The following C1orf141 variants were observed in gnomAD, a reference collection of about 807,000 sequenced individuals.
C1orf141 encodes the protein uncharacterized protein C1orf141.
A neutral mutation model predicts 23.2 loss-of-function variants in C1orf141; 19 were observed. The observed-to-expected ratio is 0.82, with a 90% CI of 0.57 to 1.20. C1orf141 has a LOEUF of 1.20. Among genes scored for constraint, C1orf141 ranks in the 50% most tolerant of loss-of-function variants. The pLI is 0.00. For synonymous variants in C1orf141, 153 were observed against 154.6 expected, an observed-to-expected ratio of 0.99 and a Z score of 0.08; for missense variants, 469 against 455.1, an observed-to-expected ratio of 1.03 and a Z score of -0.28.
intron 5 of C1orf141, among the ~76,000 whole-genome samples, chr1:67,096,610 T>A (rs1313129877): frequency 2.6e-5 from 4 of 152,208 alleles, no homozygotes. Flanking sequence ...TTCTGATATG[T>A]GGAGCCATTA....
intron 5 of C1orf141, among the ~76,000 whole-genome samples, chr1:67,107,887 G>A (rs116760029): frequency 0.028 from 4,260 of 152,236 alleles, 70 homozygotes; most frequent in Non-Finnish European, 0.044. Flanking sequence ...CTTCCTGCTA[G>A]TGTGGGTTTT....
chr1:67,137,123 TC>T (rs1646592592), upstream of C1orf141, among the ~76,000 whole-genome samples: 2 of 152,146 alleles, frequency 1.3e-5, no homozygotes, highest in South Asian at 4.1e-4. Context: ...GAAAGCACAT[TC>T]CCCAAAACTG....
At chr1:67,094,205 A>G (rs1645619237) in intron 7 of C1orf141, 1 of 152,358 alleles carries the variant, frequency 6.6e-6, no homozygotes, top group Non-Finnish European at 1.5e-5. Context: ...AGACATTTTT[A>G]TCGCAGTAAT....
Position 67,093,393 on chromosome 1 carries a change from A to G in C1orf141, c.815T>C (p.Met272Thr), listed in dbSNP as rs1290926458. Residue 272 changes from methionine to threonine, a missense_variant, in exon 8 of 8, where the codon ATG becomes ACG. Met to Thr is a moderately conservative substitution (Grantham distance 81). This residue lies in a region of C1orf141 where 370 missense variants were observed against 348.1 expected (regional missense o/e 1.06). Coordinates refer to ENST00000684719, the MANE Select transcript of C1orf141 (RefSeq NM_001276351.2). ...TATATCTTTTCTCTGTACTGTAGGCATAGTTTTTTGGGGTTTGAAAAGAGA... is the reference window on the plus strand; with the variant it reads ...TATATCTTTTCTCTGTACTGTAGGCGTAGTTTTTTGGGGTTTGAAAAGAGA... Reference protein sequence around the residue: ...SISLFKPQKTMPTVQRKDIQI... With the variant: ...SISLFKPQKTTPTVQRKDIQI... The G allele has an allele frequency of 5.6e-6, 9 of 1,613,090 alleles. No homozygotes were observed. Among genetic ancestry groups the G allele is most frequent in the Admixed American group, 3.3e-5 (2 of 59,876 alleles).
chr1:67,104,923 A>G (rs1342330725), intron 5 of C1orf141, among the ~76,000 whole-genome samples: 4 of 152,356 alleles, frequency 2.6e-5, no homozygotes, highest in African/African-American at 9.6e-5. Context: ...AAGGATTAAA[A>G]TGTTGTAATT....
intron 5 of C1orf141, among the ~76,000 whole-genome samples, chr1:67,108,465 G>T (rs1645985487): frequency 6.6e-6 from 1 of 152,120 alleles, no homozygotes; most frequent in South Asian, 2.1e-4. Flanking sequence ...AATTTTGAGG[G>T]TACACATTCA....
At chr1:67,130,768 G>A (rs1435707004) in intron 2 of C1orf141, among the ~76,000 whole-genome samples, 3 of 152,118 alleles carry the variant, frequency 2.0e-5, no homozygotes, top group Admixed American at 6.6e-5. Context: ...AAATTTGCCG[G>A]TTAATGAAAT....
rs746403578 is a variant in C1orf141 at position 67,093,134 on chromosome 1, G to T, written c.1074C>A (p.Ser358Arg). 1 of 1,613,954 alleles carries T rather than the reference G, an allele frequency of 6.2e-7. No homozygotes were observed. Among genetic ancestry groups the T allele is most frequent in the South Asian group, 1.1e-5 (1 of 91,066 alleles). Residue 358 changes from serine to arginine, a missense_variant, in exon 8 of 8, where the codon AGC (serine) becomes AGA (arginine). Around this residue, in one of 3 missense-constraint regions of C1orf141, gnomAD observed 370 missense variants for 348.1 expected, o/e 1.06. Coordinates refer to ENST00000684719, the MANE Select transcript of C1orf141 (RefSeq NM_001276351.2). ...ERMFSAGKPT[S>R]IPTSSALPVK... The stretch of plus-strand genomic sequence containing the variant: ...CAGGTAAGGCACTGGATGTGGGTAT[G>T]CTCGTTGGTTTTCCTGCAGAAAACA...
At chr1:67,138,600 A>G (rs143478220), upstream of C1orf141, among the ~76,000 whole-genome samples, 496 of 152,222 alleles carry the variant, frequency 3.3e-3, 4 homozygotes, top group African/African-American at 0.012. Flanking sequence ...AGTCAAAACC[A>G]TGCAGCATAG....
At chr1:67,128,542 A>G (rs1646461278) in intron 2 of C1orf141, among the ~76,000 whole-genome samples, 1 of 152,048 alleles carries the variant, frequency 6.6e-6, no homozygotes, top group South Asian at 2.1e-4. Flanking sequence ...TGTCTCTACT[A>G]AAAATACAAA....
At position 67,096,308 on chromosome 1, in the gene C1orf141, T is replaced by C. The variant is rs776660608; in HGVS notation, c.360A>G (p.Lys120=). ...KESESTAQIE[K]KPRKPLDSVG... Reference sequence around the variant, plus strand: ...CAGAATCCAATGGTTTCCTAGGTTTTTTTTCAATTTGAGCTGAAATTTTAA... The same window carrying C: ...CAGAATCCAATGGTTTCCTAGGTTTCTTTTCAATTTGAGCTGAAATTTTAA... The change falls in exon 6 of 8, where the codon AAA becomes AAG. Residue 120 remains lysine, a synonymous_variant. Coordinates refer to ENST00000684719, the MANE Select transcript of C1orf141 (RefSeq NM_001276351.2). The C allele has an allele frequency of 2.0e-6, 3 of 1,527,766 alleles. No individual in the cohort carries two copies. The East Asian group carries it at 6.8e-5, about 35-fold the overall frequency. 94.6% of individuals were successfully genotyped at this position (1,527,766 alleles called of 1,614,324 possible).
At chr1:67,139,506 C>A (rs1243423380), upstream of C1orf141, among the ~76,000 whole-genome samples, 1 of 152,124 alleles carries the variant, frequency 6.6e-6, no homozygotes, top group Non-Finnish European at 1.5e-5. Flanking sequence ...AAAAATTTGA[C>A]TTCTTCAGTC....
rs138424539 is a variant in C1orf141 at position 67,095,673 on chromosome 1, G to A, written c.417-252C>T. 7.4e-5 allele frequency: 25 copies of A among 337,718 alleles called. No homozygotes were observed. The South Asian group carries it at 8.4e-4, about 11-fold the overall frequency. 20.9% of individuals were successfully genotyped at this position (337,718 alleles called of 1,614,324 possible). On this transcript the variant is annotated intron_variant, in intron 6 of 7. Transcript: ENST00000684719. ...GAGTGGGGACGAGTTGTATTATTAC[G>A]TAGGTTGAGGAGAACACCAAAGGTA...
At chr1:67,105,464 A>G (rs563507327) in intron 5 of C1orf141, among the ~76,000 whole-genome samples, 1 of 152,252 alleles carries the variant, frequency 6.6e-6, no homozygotes, top group East Asian at 1.9e-4. Context: ...CACCACAATT[A>G]TTTATAAATT....
chr1:67,128,022 T>C (rs1163908572), intron 2 of C1orf141, among the ~76,000 whole-genome samples: 3 of 152,214 alleles, frequency 2.0e-5, no homozygotes, highest in South Asian at 2.1e-4. Context: ...ATTTATATAA[T>C]TAATTGCTTC....
At chr1:67,136,488 G>C (rs772299127), upstream of C1orf141, among the ~76,000 whole-genome samples, 2 of 152,122 alleles carry the variant, frequency 1.3e-5, no homozygotes, top group African/African-American at 4.8e-5. Context: ...TTGTACAGAG[G>C]TGAAAATTAG....
chr1:67,098,281 G>C (rs775768192), intron 5 of C1orf141, among the ~76,000 whole-genome samples: 1 of 152,210 alleles, frequency 6.6e-6, no homozygotes, highest in Non-Finnish European at 1.5e-5. Flanking sequence ...AGCGCTTTAA[G>C]AGGCTGAGGT....
rs1175876870 is a variant in C1orf141 at position 67,098,498 on chromosome 1, C to T, written c.347-2177G>A. Among the ~76,000 whole-genome samples, 7 of 151,438 alleles carry T rather than the reference C, an allele frequency of 4.6e-5. No individual in the cohort carries two copies. The South Asian group carries it at 8.4e-4, about 18-fold the overall frequency. ...TCGTGCCACCACACTCCAGCCTAGG[C>T]GACAGGGTGAGACTCAGTTTCAAAA... On this transcript the variant is annotated intron_variant, in intron 5 of 7. Transcript: ENST00000684719.
upstream of C1orf141, among the ~76,000 whole-genome samples, chr1:67,135,586 G>A (rs1351866616): frequency 6.6e-6 from 1 of 152,038 alleles, no homozygotes; most frequent in African/African-American, 2.4e-5. Context: ...GTATCCTAAG[G>A]AACCATTTGT....
Sources: allele counts gnomAD v4.1 joint callset (sites outside exome capture counted in the v4.1 genomes callset), GRCh38; gene constraint gnomAD v4.1.1; regional missense constraint gnomAD v4.1.1; transcripts MANE v1.5; gene names NCBI Gene and HGNC (gene_info 2026-07-23, HGNC 2026-07-21).